Variants in ANO10 observed in about 807,000 individuals in gnomAD.
ANO10 encodes the protein anoctamin 10.
A neutral mutation model predicts 74.7 loss-of-function variants in ANO10; 77 were observed. The observed-to-expected ratio is 1.03, with a 90% confidence interval of 0.86 to 1.25. The LOEUF is 1.25. ANO10 is among the 50% of genes most tolerant of loss of function. The probability of loss-of-function intolerance (pLI) is 0.00; values close to 1 mark genes in which losing one functional copy is unlikely to be tolerated. For missense variants in ANO10, 721 were observed against 778.1 expected, an observed-to-expected ratio of 0.93 and a Z score of 0.87; for synonymous variants, 279 against 284.9, an observed-to-expected ratio of 0.98 and a Z score of 0.21.
At chr3:43,567,999 C>A (rs1436785606) in intron 7 of ANO10, among the ~76,000 whole-genome samples, 2 of 151,630 alleles carry the variant, frequency 1.3e-5, no homozygotes. Context: ...ATCTACCAAG[C>A]CAATGGAAAA....
At chr3:43,375,723 T>G (rs1343635261) in intron 12 of ANO10, among the ~76,000 whole-genome samples, 1 of 152,188 alleles carries the variant, frequency 6.6e-6, no homozygotes, top group East Asian at 1.9e-4. Flanking sequence ...CAGGACTCCC[T>G]GGACTCCAGA....
chr3:43,591,477 C>A (rs1235676325), intron 4 of ANO10, among the ~76,000 whole-genome samples: 2 of 152,142 alleles, frequency 1.3e-5, no homozygotes. Context: ...CCGTGAGGCT[C>A]CCCAGGTCAG....
At position 43,577,075 on chromosome 3, in the gene ANO10, A is replaced by G. The variant is rs1422264930; in HGVS notation, c.779T>C (p.Leu260Pro). 3 of 1,614,076 alleles carry G rather than the reference A, an allele frequency of 1.9e-6. No individual in the cohort carries two copies. Among genetic ancestry groups the G allele is most frequent in the East Asian group, 2.2e-5 (1 of 44,896 alleles). The change falls in exon 6 of 13, where the codon CTG becomes CCG. Residue 260 changes from leucine to proline, a missense_variant. Physicochemically the swap from Leu to Pro is moderately conservative, Grantham distance 98. Coordinates refer to ENST00000292246, the MANE Select transcript of ANO10 (RefSeq NM_018075.5). Reference sequence around the variant, plus strand: ...CATGTTGGCACAGCCACGCTTCCACAGTTCCAGAATCACCGTGGACCAGAT... The same window carrying G: ...CATGTTGGCACAGCCACGCTTCCACGGTTCCAGAATCACCGTGGACCAGAT... Reference protein sequence around the residue: ...NLIWSTVILELWKRGCANMTY... With the variant: ...NLIWSTVILEPWKRGCANMTY...
chr3:43,464,305 C>T (rs370694313), intron 11 of ANO10, among the ~76,000 whole-genome samples: 4 of 152,116 alleles, frequency 2.6e-5, no homozygotes, highest in Non-Finnish European at 4.4e-5. Flanking sequence ...TTGGTATAGA[C>T]GTAAAATTCT....
chr3:43,452,697 G>A (rs999022593), intron 11 of ANO10, among the ~76,000 whole-genome samples: 6 of 152,194 alleles, frequency 3.9e-5, no homozygotes, highest in Non-Finnish European at 8.8e-5. Context: ...ATATACCTAG[G>A]AGTGGAACTG....
In ANO10 at chr3:43,479,270, T is replaced by C. The variant is rs146105969; in HGVS notation, c.1798-46543A>G. 1.6e-4 allele frequency among the ~76,000 whole-genome samples: 24 copies of C among 152,352 alleles called. No homozygotes were observed. In the East Asian group the frequency reaches 3.5e-3, roughly 22 times the overall value. On this transcript the variant is annotated intron_variant, in intron 11 of 12. Transcript: ENST00000292246. ...TGGTAAAAACACACAGTCCCTGTTA[T>C]CCCAGATGTTCTCTGAAAGTTTCTA...
At chr3:43,452,860 TTGTTTA>T (rs1359466435) in intron 11 of ANO10, among the ~76,000 whole-genome samples, 5 of 152,362 alleles carry the variant, frequency 3.3e-5, no homozygotes, top group African/African-American at 1.2e-4. Context: ...ATTTGCCTTT[TTGTTTA>T]TATCTATGCT....
chr3:43,552,350 G>A (rs141755063), intron 10 of ANO10, among the ~76,000 whole-genome samples: 3 of 151,938 alleles, frequency 2.0e-5, no homozygotes, highest in African/African-American at 7.2e-5. Context: ...AGGCCAACCT[G>A]GTCAACATAG....
At chr3:43,531,874 C>T (rs922849887) in intron 11 of ANO10, among the ~76,000 whole-genome samples, 2 of 151,852 alleles carry the variant, frequency 1.3e-5, no homozygotes, top group African/African-American at 4.8e-5. Context: ...TGCACTCCAA[C>T]CTGGTGACAG....
chr3:43,434,749 A>G (rs2093041454), intron 11 of ANO10, among the ~76,000 whole-genome samples: 1 of 152,242 alleles, frequency 6.6e-6, no homozygotes, highest in East Asian at 1.9e-4. Context: ...CTAACAGGTA[A>G]CAGAACAAGT....
chr3:43,605,530 C>G (rs140357040), intron 2 of ANO10, among the ~76,000 whole-genome samples, 184 bp downstream of exon 2: 1 of 152,118 alleles, frequency 6.6e-6, no homozygotes, highest in Non-Finnish European at 1.5e-5. Context: ...GATTTAGGAC[C>G]TCCTTTCAAG....
chr3:43,681,909 T>C (rs2084206966), intron 1 of ANO10, among the ~76,000 whole-genome samples: 1 of 152,050 alleles, frequency 6.6e-6, no homozygotes, highest in Non-Finnish European at 1.5e-5. Flanking sequence ...ATACAAGAAC[T>C]TCTGGGACAC....
chr3:43,549,949 T>C lies in ANO10; in HGVS notation c.1669-101A>G, dbSNP rs1034349241. On this transcript the variant is annotated intron_variant, in intron 10 of 12. Coordinates refer to ENST00000292246, the MANE Select transcript of ANO10 (RefSeq NM_018075.5). ...AAAAATCAAGGAAAATGTCTTACCC[T>C]AGTTCTAAACATTCCAAGTACATTT... is the stretch of plus-strand genomic sequence containing the variant. 3 of 1,364,132 alleles carry C rather than the reference T, an allele frequency of 2.2e-6. No homozygotes were observed. The African/African-American group carries it at 4.4e-5, about 20-fold the overall frequency. 84.5% of individuals were successfully genotyped at this position (1,364,132 alleles called of 1,614,324 possible).
At chr3:43,576,601 T>C in intron 6 of ANO10, 91 bp downstream of exon 6, 1 of 1,374,870 alleles carries the variant, frequency 7.3e-7, no homozygotes, top group Admixed American at 1.8e-5. Flanking sequence ...ACATCTATTT[T>C]CTCTGCAAGG....
chr3:43,404,559 T>G (rs1321506164), intron 12 of ANO10, among the ~76,000 whole-genome samples: 1 of 152,088 alleles, frequency 6.6e-6, no homozygotes, highest in Non-Finnish European at 1.5e-5. Context: ...CCCATCATAT[T>G]TGTGGTAATT....
chr3:43,460,149 TAAATC>T (rs1489447154), intron 11 of ANO10, among the ~76,000 whole-genome samples: 3 of 152,110 alleles, frequency 2.0e-5, no homozygotes, highest in East Asian at 1.9e-4. Flanking sequence ...AATCAGAAAA[TAAATC>T]AAAGAGTATA....
intron 12 of ANO10, among the ~76,000 whole-genome samples, chr3:43,417,449 C>T (rs1354227065): frequency 6.6e-6 from 1 of 152,120 alleles, no homozygotes; most frequent in Admixed American, 6.5e-5. Context: ...CCTCCTCAAG[C>T]CGGACTACAA....
chr3:43,398,167 G>C (rs1429803550), intron 12 of ANO10, among the ~76,000 whole-genome samples: 1 of 152,174 alleles, frequency 6.6e-6, no homozygotes, highest in Non-Finnish European at 1.5e-5. Context: ...GGTATGGAGA[G>C]GGTTGTTTAG....
In ANO10 at chr3:43,516,415, A is replaced by G. The variant is rs928351772; in HGVS notation, c.1797+33305T>C. On this transcript the variant is annotated intron_variant, in intron 11 of 12. Coordinates refer to ENST00000292246, the MANE Select transcript of ANO10 (RefSeq NM_018075.5). The stretch of plus-strand genomic sequence containing the variant: ...TAAAACACAGCTATGCCTATAATAC[A>G]GTATGCATGTTGAAAGCGTAGGGCG... 2.6e-5 allele frequency among the ~76,000 whole-genome samples: 4 copies of G among 152,326 alleles called. No homozygotes were observed. In the South Asian group the frequency reaches 8.3e-4, roughly 32 times the overall value.
Sources: gnomAD v4.1 joint callset for allele counts (sites outside exome capture counted in the v4.1 genomes callset) on GRCh38, gnomAD v4.1.1 for gene constraint, MANE v1.5 for transcripts, NCBI Gene and HGNC (gene_info 2026-07-23, HGNC 2026-07-21) for gene names.